Variants in RALYL observed in about 807,000 individuals in gnomAD.
RALYL encodes RALY RNA binding protein like.
Under a neutral mutation model 35.1 loss-of-function variants are expected in RALYL, and 29 were observed. The ratio of observed to expected loss-of-function variants is 0.83; its 90% CI spans 0.61 to 1.13. RALYL has a LOEUF of 1.13. Among genes scored for constraint, RALYL ranks in the 50% most tolerant of loss-of-function variants. RALYL has a pLI of 0.00. For synonymous variants in RALYL, 120 were observed against 127.6 expected, an observed-to-expected ratio of 0.94 and a Z score of 0.40; for missense variants, 359 against 360.4, an observed-to-expected ratio of 1.00 and a Z score of 0.03.
chr8:84,384,303 A>T (rs1327637552), intron 1 of RALYL, among the ~76,000 whole-genome samples: 1 of 151,706 alleles, frequency 6.6e-6, no homozygotes, highest in African/African-American at 2.4e-5. Context: ...ATCCTTTACA[A>T]ATGCAAGCTA....
At chr8:84,401,910 CA>C (rs33941458) in intron 1 of RALYL, among the ~76,000 whole-genome samples, 92,932 of 151,366 alleles carry the variant, frequency 0.61, 29,068 homozygotes, top group African/African-American at 0.73. Context: ...GTTACCCTGT[CA>C]AAAATCTTGT....
intron 1 of RALYL, among the ~76,000 whole-genome samples, chr8:84,380,601 GAAGCAAGTAGTT>G (rs1857785943): frequency 6.6e-6 from 1 of 151,918 alleles, no homozygotes; most frequent in African/African-American, 2.4e-5. Flanking sequence ...AGGAAAAAAA[GAAGCAAGTAGTT>G]AACCACATGT....
chr8:84,628,908 A>C (rs1362650042), intron 2 of RALYL, among the ~76,000 whole-genome samples: 4 of 152,116 alleles, frequency 2.6e-5, no homozygotes, highest in Non-Finnish European at 4.4e-5. Context: ...CAGTAAAAAA[A>C]AATGTGGAGG....
chr8:84,799,607 T>C (rs1287543942), intron 3 of RALYL, among the ~76,000 whole-genome samples: 1 of 152,212 alleles, frequency 6.6e-6, no homozygotes, highest in African/African-American at 2.4e-5. Context: ...TCTTTTTAGT[T>C]TGGTCACCTA....
At chr8:84,295,712 A>G (rs766383170) in intron 1 of RALYL, among the ~76,000 whole-genome samples, 7 of 152,144 alleles carry the variant, frequency 4.6e-5, no homozygotes, top group Non-Finnish European at 8.8e-5. Flanking sequence ...ACTGTCCTGT[A>G]TTGAAGCTTG....
At chr8:84,649,657 A>G (rs1426157861) in intron 2 of RALYL, among the ~76,000 whole-genome samples, 1 of 152,028 alleles carries the variant, frequency 6.6e-6, no homozygotes, top group Non-Finnish European at 1.5e-5. Flanking sequence ...TTTTGGTACC[A>G]GTACCATGCT....
At chr8:84,300,156 C>A (rs942463386) in intron 1 of RALYL, among the ~76,000 whole-genome samples, 3 of 151,900 alleles carry the variant, frequency 2.0e-5, no homozygotes, top group Admixed American at 2.0e-4. Context: ...TAATTAGTTT[C>A]ACAGAATGTC....
intron 1 of RALYL, among the ~76,000 whole-genome samples, chr8:84,289,812 C>T (rs1182558171): frequency 3.3e-5 from 5 of 151,982 alleles, no homozygotes; most frequent in Admixed American, 6.6e-5. Flanking sequence ...TTAAAGACAA[C>T]TGTAGTATTA....
chr8:84,418,499 C>A (rs184006792), intron 1 of RALYL, among the ~76,000 whole-genome samples: 2 of 152,026 alleles, frequency 1.3e-5, no homozygotes, highest in East Asian at 1.9e-4. Flanking sequence ...GAGAAGGACC[C>A]TAAAATGAGT....
intron 2 of RALYL, among the ~76,000 whole-genome samples, chr8:84,725,829 A>C (rs985217720): frequency 6.6e-6 from 1 of 151,706 alleles, no homozygotes; most frequent in Non-Finnish European, 1.5e-5. Flanking sequence ...CCAATGACCC[A>C]CATAAATATA....
At chr8:84,622,357 A>G (rs543099618) in intron 2 of RALYL, among the ~76,000 whole-genome samples, 17 of 152,226 alleles carry the variant, frequency 1.1e-4, no homozygotes, top group Non-Finnish European at 2.5e-4. Context: ...AGAAATCTAC[A>G]CTGTGATTTT....
chr8:84,272,617 T>C (rs1357668442), intron 1 of RALYL, among the ~76,000 whole-genome samples: 2 of 152,188 alleles, frequency 1.3e-5, no homozygotes, highest in Non-Finnish European at 1.5e-5. Context: ...TGTAATAATT[T>C]TAGTACTGAT....
At chr8:84,221,994 A>G (rs1263981689) in intron 1 of RALYL, among the ~76,000 whole-genome samples, 1 of 152,036 alleles carries the variant, frequency 6.6e-6, no homozygotes, top group Non-Finnish European at 1.5e-5. Flanking sequence ...TAGGCTTAGT[A>G]TGACTGTTTT....
intron 2 of RALYL, among the ~76,000 whole-genome samples, chr8:84,741,775 GAGTGTAT>G (rs1807389432): frequency 6.6e-6 from 1 of 151,942 alleles, no homozygotes; most frequent in Non-Finnish European, 1.5e-5. Flanking sequence ...ATTTGCTCCA[GAGTGTAT>G]AAACCTTTTA....
Position 84,474,127 on chromosome 8 carries a change from G to T in RALYL, c.-23-55172G>T, listed in dbSNP as rs114698601. 6.8e-3 allele frequency among the ~76,000 whole-genome samples: 1,035 copies of T among 152,140 alleles called. 12 individuals carry two copies. Among genetic ancestry groups the T allele is most frequent in the African/African-American group, 0.024 (976 of 41,526 alleles). ...TCTTTCAAAAATTGATTTATTGCCA[G>T]TTTCACCACTGTAGATACTATCTTT... On this transcript the variant is annotated intron_variant, in intron 1 of 8. Transcript: ENST00000521268.
intron 1 of RALYL, among the ~76,000 whole-genome samples, chr8:84,211,563 C>T (rs1819494066): frequency 6.6e-6 from 1 of 152,026 alleles, no homozygotes; most frequent in Non-Finnish European, 1.5e-5. Context: ...CATGTAGTTT[C>T]CCCAATCTAA....
At chr8:84,554,729 G>T (rs759855468) in intron 2 of RALYL, among the ~76,000 whole-genome samples, 24 of 152,234 alleles carry the variant, frequency 1.6e-4, no homozygotes, top group Non-Finnish European at 3.4e-4. Flanking sequence ...TCCCATTTCA[G>T]CAGGTCCTCA....
chr8:84,778,127 G>C (rs977196490), intron 3 of RALYL, among the ~76,000 whole-genome samples: 4 of 152,160 alleles, frequency 2.6e-5, no homozygotes, highest in Admixed American at 2.0e-4. Context: ...ATAACGTAAT[G>C]AAAGTAAGTT....
chr8:84,817,372 ATAT>A (rs1375013503), intron 4 of RALYL, among the ~76,000 whole-genome samples: 10 of 152,076 alleles, frequency 6.6e-5, no homozygotes, highest in Admixed American at 2.0e-4. Context: ...CAGATGCTAT[ATAT>A]TATTATAGTA....
Sources: gnomAD v4.1 joint callset for allele counts (sites outside exome capture counted in the v4.1 genomes callset) on GRCh38, gnomAD v4.1.1 for gene constraint, MANE v1.5 for transcripts, NCBI Gene and HGNC (gene_info 2026-07-23, HGNC 2026-07-21) for gene names.